Variants in HMCN2 observed in about 807,000 individuals in gnomAD.
HMCN2 encodes the protein hemicentin 2, also known as hemicentin-2.
HMCN2 carries 325 observed loss-of-function variants against 377.5 expected under a neutral mutation model. The observed-to-expected ratio is 0.86, with a 90% CI of 0.79 to 0.94. The LOEUF (loss-of-function observed/expected upper bound fraction) is 0.94. HMCN2 is among the 40% of genes least tolerant of loss of function. The pLI is 0.00. For missense variants in HMCN2, 4,543 were observed against 4,725.3 expected, an observed-to-expected ratio of 0.96 and a Z score of 1.13; for synonymous variants, 2,007 against 2,046.8, an observed-to-expected ratio of 0.98 and a Z score of 0.53.
intron 94 of HMCN2, 89 bp from the exon 95 acceptor site, chr9:130,430,195 A>G: frequency 9.0e-7 from 1 of 1,111,896 alleles, no homozygotes; most frequent in Non-Finnish European, 1.3e-6. Context: ...GGGAATGCCA[A>G]CAAGAGAGAA....
At chr9:130,401,714 G>T (rs1324588021) in intron 77 of HMCN2, among the ~76,000 whole-genome samples, 1 of 152,120 alleles carries the variant, frequency 6.6e-6, no homozygotes, top group Non-Finnish European at 1.5e-5. Context: ...TAGTTCGTTA[G>T]CGAAACACTA....
At chr9:130,370,639 C>T (rs900413526) in intron 45 of HMCN2, among the ~76,000 whole-genome samples, 17 of 152,338 alleles carry the variant, frequency 1.1e-4, no homozygotes, top group Middle Eastern at 3.4e-3. Flanking sequence ...GCACTAATTC[C>T]GGTCCCACTG....
At position 130,433,602 on chromosome 9, in the gene HMCN2, C is replaced by T. The variant is rs914612034; in HGVS notation, c.15149C>T (p.Ala5050Val). ...AVYTRRALTR[A>V]GLYRLTVRAA... ...TACACCCGTCGCGCGCTCACCCGCG[C>T]CGGCCTCTACCGGCTCACCGTGCGT... The change falls in exon 98 of 98, where the codon GCC (alanine) becomes GTC (valine). Residue 5050 changes from alanine to valine, a missense_variant. Transcript: ENST00000683500. 4.0e-6 allele frequency: 6 copies of T among 1,514,704 alleles called. No individual in the cohort carries two copies. In the Admixed American group the frequency reaches 1.1e-4, roughly 28 times the overall value. The allele number at this position is 1,514,704 out of a possible 1,614,324, so 93.8% of individuals were successfully genotyped here.
chr9:130,304,980 A>G lies in HMCN2; in HGVS notation c.1794A>G (p.Ala598=), dbSNP rs1161483819. 3 of 470,732 alleles carry G rather than the reference A, an allele frequency of 6.4e-6. No individual in the cohort carries two copies. Among genetic ancestry groups the G allele is most frequent in the Admixed American group, 2.3e-5 (1 of 42,560 alleles). 29.2% of individuals were successfully genotyped at this position (470,732 alleles called of 1,614,324 possible). ...GCAATGCCAATGGGGTCACAAGGGC[A>G]TCCGTCTGGCTCCTGGTGCGAGGTG... is the stretch of plus-strand genomic sequence containing the variant. The part of the protein sequence containing the change: ...VASNANGVTR[A]SVWLLVREAP... Residue 598 remains alanine (A), a synonymous_variant, in exon 11 of 98, where the codon GCA becomes GCG. Transcript: ENST00000683500. The surrounding 1 kb of genome is among the most constrained non-coding windows in gnomAD (Gnocchi z 4.3).
chr9:130,369,798 T>G lies in HMCN2; in HGVS notation c.7016T>G (p.Val2339Gly). The G allele has an allele frequency of 1.0e-6, 1 of 986,070 alleles. No individual in the cohort carries two copies. Among genetic ancestry groups the G allele is most frequent in the South Asian group, 4.7e-5 (1 of 21,286 alleles). 61.1% of individuals were successfully genotyped at this position (986,070 alleles called of 1,614,324 possible). The stretch of plus-strand genomic sequence containing the variant: ...GCCCACACTGGACGCTACAGCTGTG[T>G]GGCCGAGAACCTGGCTGGGAGGGCA... ...QAAHTGRYSCVAENLAGRAER... is the reference protein window; with the variant it reads ...QAAHTGRYSCGAENLAGRAER... Residue 2339 changes from valine (V) to glycine (G), a missense_variant, in exon 45 of 98, where the codon GTG becomes GGG. Physicochemically the swap from Val to Gly is moderately radical, Grantham distance 109. Around this residue, in one of 5 missense-constraint regions of HMCN2, gnomAD observed 1,032 missense variants for 1,285.1 expected, o/e 0.80. Transcript: ENST00000683500. This position sits in a 1 kb window ranked among gnomAD's most constrained non-coding sequence, Gnocchi z 4.5.
At chr9:130,267,920 A>T (rs1291720691) in intron 1 of HMCN2, among the ~76,000 whole-genome samples, 1 of 152,160 alleles carries the variant, frequency 6.6e-6, no homozygotes, top group Non-Finnish European at 1.5e-5. Flanking sequence ...CCACTTTCTG[A>T]ATTGTTCTGG....
chr9:130,418,913 G>T lies in HMCN2; in HGVS notation c.13103G>T (p.Arg4368Leu). 6.5e-7 allele frequency: 1 copy of T among 1,548,916 alleles called. No individual in the cohort carries two copies. Residue 4368 changes from arginine (R) to leucine (L), a missense_variant, in exon 86 of 98, where the codon CGG becomes CTG. By Grantham distance (102) the Arg-to-Leu change is moderately radical (BLOSUM62 -2). This residue lies in a region of HMCN2 where 1,155 missense variants were observed against 1,157.7 expected (regional missense o/e 1.00). Transcript: ENST00000683500. The stretch of plus-strand genomic sequence containing the variant: ...GGTCAACCCTTGCGGGCCAGCCGGC[G>T]GCTCCGGACCCTGCCCGATGGGAGC... ...QAGQPLRASR[R>L]LRTLPDGSLW...
chr9:130,432,988 C>A, intron 97 of HMCN2: 1 of 378,916 alleles, frequency 2.6e-6, no homozygotes, highest in East Asian at 4.8e-5. Flanking sequence ...CGCGGCAAGG[C>A]TAAGCGCAGT....
At chr9:130,335,132 G>T (rs1251716130) in intron 22 of HMCN2, among the ~76,000 whole-genome samples, 2 of 152,150 alleles carry the variant, frequency 1.3e-5, no homozygotes, top group African/African-American at 4.8e-5. Flanking sequence ...CTGAAGCACA[G>T]TTGAACCTCG....
intron 83 of HMCN2, 76 bp downstream of exon 83, chr9:130,407,781 A>C (rs1485302283): frequency 9.2e-7 from 1 of 1,092,350 alleles, no homozygotes; most frequent in Non-Finnish European, 1.1e-6. Flanking sequence ...GTTTCCTAAG[A>C]ACCCAGCCTC....
At chr9:130,277,886 TCATCACCACCAC>T (rs1834829699) in intron 1 of HMCN2, among the ~76,000 whole-genome samples, 2 of 37,378 alleles carry the variant, frequency 5.4e-5, no homozygotes, top group Non-Finnish European at 9.9e-5. Flanking sequence ...ACCACCATCA[TCATCACCACCAC>T]CATCATCATC....
chr9:130,299,425 C>T, intron 8 of HMCN2, 137 bp downstream of exon 8: 3 of 352,794 alleles, frequency 8.5e-6, no homozygotes, highest in East Asian at 1.6e-4. Context: ...GACAGCTATT[C>T]CCTATAAGGC....
chr9:130,287,145 C>G (rs1490402758), intron 4 of HMCN2, among the ~76,000 whole-genome samples: 1 of 152,156 alleles, frequency 6.6e-6, no homozygotes, highest in Non-Finnish European at 1.5e-5. Context: ...ACAAGTGGCT[C>G]CCACACACCA....
intron 30 of HMCN2, among the ~76,000 whole-genome samples, chr9:130,352,187 A>G (rs1462867422): frequency 1.3e-5 from 2 of 152,212 alleles, no homozygotes; most frequent in Non-Finnish European, 2.9e-5. Context: ...CTTACACTGA[A>G]ACACATTTAT....
rs1311695594 is a variant in HMCN2, at chr9:130,418,953, C to T, written c.13143C>T (p.Asn4381=). 5.9e-6 allele frequency: 9 copies of T among 1,535,592 alleles called. No homozygotes were observed. Among genetic ancestry groups the T allele is most frequent in the African/African-American group, 4.1e-5 (3 of 72,568 alleles). The change falls in exon 86 of 98, where the codon AAC becomes AAT. Residue 4381 remains asparagine, a synonymous_variant. Transcript: ENST00000683500. Reference sequence around the variant, plus strand: ...CCGATGGGAGCCTGTGGCTGGAGAACGTGGAGACTGGGGATGCAGGCACCT... The same window carrying T: ...CCGATGGGAGCCTGTGGCTGGAGAATGTGGAGACTGGGGATGCAGGCACCT... ...TLPDGSLWLE[N]VETGDAGTYD...
intron 1 of HMCN2, among the ~76,000 whole-genome samples, chr9:130,268,601 A>G (rs1554920057): frequency 6.7e-6 from 1 of 149,428 alleles, no homozygotes; most frequent in Admixed American, 6.6e-5. Context: ...CCCCTGAGGA[A>G]GCAGCCTGTG....
chr9:130,431,384 G>C lies in HMCN2; in HGVS notation c.14665G>C (p.Val4889Leu), dbSNP rs542519676. 5.8e-6 allele frequency: 9 copies of C among 1,549,934 alleles called. No homozygotes were observed. In the South Asian group the frequency reaches 7.1e-5, roughly 12 times the overall value. ...GVCTDLDECR[V>L]RNLCQHACRN... The stretch of plus-strand genomic sequence containing the variant: ...CGGGCCAGACCTTGACGAGTGCCGC[G>C]TGAGGAACCTGTGTCAGCACGCCTG... Residue 4889 changes from valine (V) to leucine (L), a missense_variant, in exon 96 of 98, where the codon GTG (valine) becomes CTG (leucine). By Grantham distance (32) the Val-to-Leu change is conservative. Around this residue, in one of 5 missense-constraint regions of HMCN2, gnomAD observed 1,155 missense variants for 1,157.7 expected, o/e 1.00. Coordinates refer to ENST00000683500, the MANE Select transcript of HMCN2 (RefSeq NM_001291815.2).
chr9:130,341,102 G>GC lies in HMCN2; in HGVS notation c.3488-5dup, dbSNP rs1264395676. 2.0e-5 allele frequency: 3 copies of GC among 152,494 alleles called. No individual in the cohort carries two copies. The highest frequency in any genetic ancestry group is 7.2e-5 in the African/African-American group (3 of 41,456). The allele number at this position is 152,494 out of a possible 1,614,324, so 9.4% of individuals were successfully genotyped here. A position where few individuals can be genotyped will look rare whatever the true frequency, so the allele number is the denominator to read the frequency against. ...CCCCAACCTTGATACCCCTCCTGTG[G>GC]CCCCTCAGTCCCCCCTCAGGTGCAG... is the stretch of plus-strand genomic sequence containing the variant. On this transcript the variant is annotated splice_polypyrimidine_tract_variant and intron_variant, in intron 23 of 97. Coordinates refer to ENST00000683500, the MANE Select transcript of HMCN2 (RefSeq NM_001291815.2).
At position 130,433,665 on chromosome 9, in the gene HMCN2, T is replaced by C. The variant is rs1844913080; in HGVS notation, c.15212T>C (p.Leu5071Pro). ...APRHQSVFVLLIAVSPYPY is the reference protein window; with the variant it reads ...APRHQSVFVLPIAVSPYPY ...CGCCACCAAAGCGTCTTCGTCTTGC[T>C]CATCGCCGTGTCCCCCTACCCCTAC... The change falls in exon 98 of 98, where the codon CTC (leucine) becomes CCC (proline). Residue 5071 changes from leucine to proline, a missense_variant. Leu to Pro is a moderately conservative substitution (Grantham distance 98). Transcript: ENST00000683500. The C allele has an allele frequency of 6.6e-7, 1 of 1,512,314 alleles. No individual in the cohort carries two copies. The highest frequency in any genetic ancestry group is 8.8e-7 in the Non-Finnish European group (1 of 1,131,822). 93.7% of individuals were successfully genotyped at this position (1,512,314 alleles called of 1,614,324 possible).
Sources: allele counts gnomAD v4.1 joint callset (sites outside exome capture counted in the v4.1 genomes callset), GRCh38; gene constraint gnomAD v4.1.1; regional missense constraint gnomAD v4.1.1; non-coding constraint Gnocchi (gnomAD v3.1); transcripts MANE v1.5; gene names NCBI Gene and HGNC (gene_info 2026-07-23, HGNC 2026-07-21).